PIK3C2G: variants seen among roughly 807,000 people sequenced by gnomAD.
PIK3C2G encodes phosphatidylinositol 3-kinase C2 domain-containing subunit gamma.
Under a neutral mutation model 181.1 loss-of-function variants are expected in PIK3C2G, and 168 were observed. The observed-to-expected ratio is 0.93, with a 90% CI of 0.82 to 1.05. The LOEUF (loss-of-function observed/expected upper bound fraction) is 1.05. Ranked by LOEUF, PIK3C2G falls within the 50% of genes least tolerant of loss-of-function variation. The pLI is 0.00. For synonymous variants in PIK3C2G, 573 were observed against 592.2 expected (o/e 0.97, Z 0.47); for missense variants, 1,869 against 1,732.8 (o/e 1.08, Z -1.40).
the PIK3C2G span, among the ~76,000 whole-genome samples, chr12:18,682,458 A>C: frequency 6.6e-6 from 1 of 152,050 alleles, no homozygotes. Flanking sequence ...CAGTGGTTCC[A>C]TATTGTTCTA....
At chr12:18,256,005 T>C (rs781096153) in intron 1 of PIK3C2G, among the ~76,000 whole-genome samples, 1 of 152,208 alleles carries the variant, frequency 6.6e-6, no homozygotes, top group Non-Finnish European at 1.5e-5. Context: ...TATTTGTCCA[T>C]TACTGCTATA....
At chr12:18,411,172 A>T (rs554150119) in intron 16 of PIK3C2G, among the ~76,000 whole-genome samples, 1 of 152,320 alleles carries the variant, frequency 6.6e-6, no homozygotes. Context: ...GCAATAAAAT[A>T]AATAATATAC....
At chr12:18,418,499 G>A (rs1299345175) in intron 16 of PIK3C2G, among the ~76,000 whole-genome samples, 1 of 152,058 alleles carries the variant, frequency 6.6e-6, no homozygotes, top group South Asian at 2.1e-4. Flanking sequence ...ACTAAAGGGA[G>A]GTTTATTAGA....
intron 5 of PIK3C2G, among the ~76,000 whole-genome samples, chr12:18,306,701 A>G (rs911083249): frequency 6.6e-6 from 1 of 152,072 alleles, no homozygotes; most frequent in East Asian, 1.9e-4. Context: ...ACAGTACTAC[A>G]GTACTAATAT....
chr12:18,725,024 C>T, the PIK3C2G span, among the ~76,000 whole-genome samples: 3 of 151,966 alleles, frequency 2.0e-5, no homozygotes, highest in African/African-American at 7.3e-5. Context: ...CCATCTTGTA[C>T]TAAAAAGAAT....
At chr12:18,665,771 G>A in the PIK3C2G span, among the ~76,000 whole-genome samples, 1 of 151,776 alleles carries the variant, frequency 6.6e-6, no homozygotes, top group African/African-American at 2.4e-5. Flanking sequence ...TCCTTCTCTA[G>A]TAAAATACAA....
the PIK3C2G span, among the ~76,000 whole-genome samples, chr12:18,718,523 C>T: frequency 6.6e-6 from 1 of 152,106 alleles, no homozygotes; most frequent in African/African-American, 2.4e-5. Context: ...TTGTCTCTAG[C>T]CACATTTGCC....
At chr12:18,693,734 G>T in the PIK3C2G span, 1 of 1,537,278 alleles carries the variant, frequency 6.5e-7, no homozygotes, top group Non-Finnish European at 9.0e-7. Flanking sequence ...GGATGGATTT[G>T]ATTCTAGGGT....
the PIK3C2G span, among the ~76,000 whole-genome samples, chr12:18,669,308 T>C: frequency 0.43 from 65,609 of 152,018 alleles, 15,319 homozygotes; most frequent in South Asian, 0.59. Flanking sequence ...TTCCATTATA[T>C]GTGTGGTCTC....
chr12:18,434,473 T>A (rs1202784162), intron 18 of PIK3C2G, among the ~76,000 whole-genome samples: 4 of 152,118 alleles, frequency 2.6e-5, no homozygotes, highest in Admixed American at 2.6e-4. Context: ...TAGCATAGAA[T>A]CATAGAAAGA....
rs1194014181 is a variant in PIK3C2G, at chr12:18,496,124, G to A, written c.2856G>A (p.Pro952=). The A allele has an allele frequency of 5.9e-6, 9 of 1,538,078 alleles. No individual in the cohort carries two copies. The highest frequency in any genetic ancestry group is 2.5e-5 in the South Asian group (2 of 81,168). The change falls in exon 21 of 33, where the codon CCG becomes CCA. Residue 952 remains proline, a synonymous_variant. Transcript: ENST00000538779. ...AGATTACTTTCATCAATGCTAATCCGATGGGCAAAAACATCAGCATTATTT... is the reference window on the plus strand; with the variant it reads ...AGATTACTTTCATCAATGCTAATCCAATGGGCAAAAACATCAGCATTATTT... ...PLKITFINAN[P]MGKNISIIFK...
At position 18,315,138 on chromosome 12, in the gene PIK3C2G, C is replaced by CT. The variant is rs536925004; in HGVS notation, c.1137+1082dup. 1.2e-3 allele frequency among the ~76,000 whole-genome samples: 182 copies of CT among 151,950 alleles called. 1 individual carries two copies. Among genetic ancestry groups the CT allele is most frequent in the Non-Finnish European group, 1.6e-3 (108 of 67,914 alleles). ...GTAACAGATTTCCAGTGGATGTTTT[C>CT]TTTTTTTTCTAGTATGAAGTGTTTC... is the stretch of plus-strand genomic sequence containing the variant. On this transcript the variant is annotated intron_variant, in intron 6 of 32. Coordinates refer to ENST00000538779, the MANE Select transcript of PIK3C2G (RefSeq NM_001288772.2).
Position 18,346,839 on chromosome 12 carries a change from G to A in PIK3C2G, c.1625+3G>A. The A allele has an allele frequency of 1.9e-6, 3 of 1,578,178 alleles. No homozygotes were observed. The highest frequency in any genetic ancestry group is 2.6e-6 in the Non-Finnish European group (3 of 1,157,940). The stretch of plus-strand genomic sequence containing the variant: ...ATTCCAGAAACCTGGGTGCACAGGT[G>A]AGTGGTGGTGAGTTTTTCACAAAAG... On this transcript the variant is annotated splice_donor_region_variant and intron_variant, in intron 11 of 32. Coordinates refer to ENST00000538779, the MANE Select transcript of PIK3C2G (RefSeq NM_001288772.2).
chr12:18,292,221 A>AC (rs1489451632), intron 4 of PIK3C2G, among the ~76,000 whole-genome samples: 36 of 78,794 alleles, frequency 4.6e-4, no homozygotes, highest in African/African-American at 2.0e-3. Flanking sequence ...AAAAAAAAAA[A>AC]AAAAAAATAT....
the PIK3C2G span, among the ~76,000 whole-genome samples, chr12:18,653,750 G>A: frequency 1.3e-5 from 2 of 152,014 alleles, no homozygotes; most frequent in African/African-American, 2.4e-5. Flanking sequence ...ATTAGAGTTT[G>A]GAGATTCAAA....
At chr12:18,591,969 G>A (rs1158371553) in intron 29 of PIK3C2G, among the ~76,000 whole-genome samples, 1 of 151,768 alleles carries the variant, frequency 6.6e-6, no homozygotes, top group Admixed American at 6.6e-5. Flanking sequence ...TTTATGTATG[G>A]GGTGAGGAGA....
Position 18,314,080 on chromosome 12 carries a change from C to T in PIK3C2G, c.1137+16C>T, listed in dbSNP as rs1035826212. On this transcript the variant is annotated intron_variant, in intron 6 of 32. Coordinates refer to ENST00000538779, the MANE Select transcript of PIK3C2G (RefSeq NM_001288772.2). ...ATCTCGAAAGGTAAGACTTTCTTAG[C>T]ATTGGTTTCAATTGGCAAACTGACA... 5.2e-6 allele frequency: 7 copies of T among 1,355,060 alleles called. No homozygotes were observed. Among genetic ancestry groups the T allele is most frequent in the Non-Finnish European group, 7.2e-6 (7 of 969,746 alleles). 83.9% of individuals were successfully genotyped at this position (1,355,060 alleles called of 1,614,324 possible).
rs185368562 is a variant in PIK3C2G at position 18,268,806 on chromosome 12, C to T, written c.-79+7229C>T. On this transcript the variant is annotated intron_variant, in intron 1 of 32. Coordinates refer to ENST00000538779, the MANE Select transcript of PIK3C2G (RefSeq NM_001288772.2). ...TGTATTCAACTTACCATTGGTTTTA[C>T]CTACATTTGCCTTCCAAAAAATTTC... 1.5e-3 allele frequency among the ~76,000 whole-genome samples: 231 copies of T among 152,232 alleles called. 1 individual carries two copies. Among genetic ancestry groups the T allele is most frequent in the African/African-American group, 5.3e-3 (221 of 41,550 alleles).
the PIK3C2G span, among the ~76,000 whole-genome samples, chr12:18,684,878 C>G: frequency 6.6e-6 from 1 of 151,890 alleles, no homozygotes; most frequent in East Asian, 1.9e-4. Flanking sequence ...TGAGTGAGTA[C>G]TCATGAGATC....
Sources: gnomAD v4.1 joint callset for allele counts (sites outside exome capture counted in the v4.1 genomes callset) on GRCh38, gnomAD v4.1.1 for gene constraint, MANE v1.5 for transcripts, NCBI Gene and HGNC (gene_info 2026-07-23, HGNC 2026-07-21) for gene names.